NOX3: variants seen among roughly 807,000 people sequenced by gnomAD.
NOX3 encodes NADPH oxidase 3, also known as NADPH oxidase catalytic subunit-like 3.
Under a neutral mutation model 76.7 loss-of-function variants are expected in NOX3, and 74 were observed. The observed-to-expected ratio is 0.96, with a 90% CI of 0.80 to 1.17. NOX3 has a LOEUF of 1.17. NOX3 is among the 50% of genes most tolerant of loss of function. NOX3 has a pLI of 0.00. For synonymous variants in NOX3, 263 were observed against 261.1 expected (o/e 1.01, Z -0.07); for missense variants, 695 against 703.3 (o/e 0.99, Z 0.13).
chr6:155,399,980 C>T (rs1035789661), intron 12 of NOX3, among the ~76,000 whole-genome samples: 3 of 152,196 alleles, frequency 2.0e-5, no homozygotes, highest in African/African-American at 4.8e-5. Context: ...GTCTGGGCTG[C>T]TGACTTTGAT....
At chr6:155,399,135 T>G (rs1779178297) in intron 12 of NOX3, among the ~76,000 whole-genome samples, 1 of 152,204 alleles carries the variant, frequency 6.6e-6, no homozygotes, top group African/African-American at 2.4e-5. Flanking sequence ...GAGTCACAGC[T>G]TTGCTTTGTG....
chr6:155,431,115 A>G (rs958267726), intron 7 of NOX3, among the ~76,000 whole-genome samples, 180 bp from the exon 8 acceptor site: 6 of 152,196 alleles, frequency 3.9e-5, no homozygotes, highest in Non-Finnish European at 7.4e-5. Context: ...TCAATTATTT[A>G]TTGAAGTCTA....
At chr6:155,451,109 G>A (rs930346517) in intron 4 of NOX3, among the ~76,000 whole-genome samples, 4 of 152,018 alleles carry the variant, frequency 2.6e-5, no homozygotes, top group Non-Finnish European at 4.4e-5. Flanking sequence ...CTCCCAAGTA[G>A]TTGGGATTAC....
chr6:155,452,548 A>G (rs1363548641), intron 4 of NOX3, among the ~76,000 whole-genome samples: 1 of 152,070 alleles, frequency 6.6e-6, no homozygotes. Flanking sequence ...CTGCACCCCC[A>G]AAGTTGTGTT....
Position 155,409,792 on chromosome 6 carries a change from A to G in NOX3, c.1455+1422T>C, listed in dbSNP as rs768238491. On this transcript the variant is annotated intron_variant, in intron 11 of 13. Transcript: ENST00000159060. Reference sequence around the variant, plus strand: ...GTCATGGCAAAAATGTAAGACATCTATTTTAATCTACTTGTGTTTAGAAAA... The same window carrying G: ...GTCATGGCAAAAATGTAAGACATCTGTTTTAATCTACTTGTGTTTAGAAAA... Among the ~76,000 whole-genome samples the G allele has an allele frequency of 7.3e-4, 111 of 152,304 alleles. 1 individual carries two copies. The Middle Eastern group carries it at 0.014, about 19-fold the overall frequency.
chr6:155,402,338 T>G (rs1000653068), intron 12 of NOX3, among the ~76,000 whole-genome samples: 5 of 152,222 alleles, frequency 3.3e-5, no homozygotes, highest in African/African-American at 1.2e-4. Context: ...TTCACATGCA[T>G]GTGAATTTGA....
intron 12 of NOX3, among the ~76,000 whole-genome samples, chr6:155,399,776 C>G (rs951621224): frequency 6.6e-6 from 1 of 151,918 alleles, no homozygotes; most frequent in South Asian, 2.1e-4. Flanking sequence ...GCAACAGAAC[C>G]CTAATGGGGT....
rs763260851 is a variant in NOX3 at position 155,411,367 on chromosome 6, A to G, written c.1309-7T>C. The G allele has an allele frequency of 6.2e-7, 1 of 1,611,798 alleles. No homozygotes were observed. Among genetic ancestry groups the G allele is most frequent in the Non-Finnish European group, 8.5e-7 (1 of 1,178,930 alleles). ...AAATCCAGTAGAAATACACCTGTCA[A>G]GAGAGAAGGCAAGTGAACGGATCTA... On this transcript the variant is annotated splice_region_variant and splice_polypyrimidine_tract_variant and intron_variant, in intron 10 of 13. Coordinates refer to ENST00000159060, the MANE Select transcript of NOX3 (RefSeq NM_015718.3).
intron 10 of NOX3, among the ~76,000 whole-genome samples, chr6:155,418,481 C>A (rs1225944698): frequency 6.6e-6 from 1 of 152,184 alleles, no homozygotes; most frequent in East Asian, 1.9e-4. Flanking sequence ...TCATGTATTA[C>A]AACTTTTTTC....
intron 7 of NOX3, 93 bp from the exon 8 acceptor site, chr6:155,431,028 G>A: frequency 1.3e-6 from 1 of 756,882 alleles, no homozygotes; most frequent in Non-Finnish European, 2.2e-6. Flanking sequence ...AACATGATGG[G>A]GATTAGATAT....
intron 12 of NOX3, among the ~76,000 whole-genome samples, chr6:155,400,954 A>C (rs1779217334): frequency 6.6e-6 from 1 of 152,156 alleles, no homozygotes. Context: ...TGAGAAGCTT[A>C]TGGTCAAATG....
chr6:155,399,289 C>G (rs139841608), intron 12 of NOX3, among the ~76,000 whole-genome samples: 667 of 152,300 alleles, frequency 4.4e-3, no homozygotes, highest in Non-Finnish European at 7.4e-3. Context: ...TTTGCAGCAA[C>G]AGTAACTGCA....
At chr6:155,416,961 G>A (rs1468435058) in intron 10 of NOX3, among the ~76,000 whole-genome samples, 2 of 151,912 alleles carry the variant, frequency 1.3e-5, no homozygotes, top group Non-Finnish European at 2.9e-5. Flanking sequence ...ATGTTGGTCA[G>A]GCTGGTCTCC....
chr6:155,445,160 C>T (rs1467521638), intron 4 of NOX3, among the ~76,000 whole-genome samples: 1 of 152,182 alleles, frequency 6.6e-6, no homozygotes, highest in Non-Finnish European at 1.5e-5. Context: ...AATGAAACTC[C>T]CGCTGGGTGG....
intron 4 of NOX3, among the ~76,000 whole-genome samples, chr6:155,452,008 A>C (rs928614323): frequency 1.3e-5 from 2 of 151,992 alleles, no homozygotes; most frequent in African/African-American, 2.4e-5. Context: ...CTTAGAGTTC[A>C]AGTCTGTCTT....
chr6:155,409,649 A>G (rs893737092), intron 11 of NOX3, among the ~76,000 whole-genome samples: 31 of 152,218 alleles, frequency 2.0e-4, no homozygotes, highest in African/African-American at 7.5e-4. Context: ...ACAATTGGGT[A>G]TTTCTAAAAC....
chr6:155,422,784 G>A lies in NOX3; in HGVS notation c.1218C>T (p.Ala406=), dbSNP rs1442608716. 1.9e-5 allele frequency: 30 copies of A among 1,614,054 alleles called. No individual in the cohort carries two copies. The highest frequency in any genetic ancestry group is 2.2e-5 in the East Asian group (1 of 44,888). The change falls in exon 10 of 14, where the codon GCC becomes GCT. Residue 406 remains alanine (A), a synonymous_variant. Transcript: ENST00000159060. ...CGAAGGGAGTGACTCCGATCCCCGC[G>A]GCAACGCACACACACACTGGGTAGT... The part of the protein sequence containing the change: ...VFHYPVCVCV[A]AGIGVTPFAA...
chr6:155,448,841 T>C lies in NOX3; in HGVS notation c.340+4563A>G, dbSNP rs765774343. ...AACAGTCATTTTGGAGTTAGTCACC[T>C]CCTAATTAAGCAGCCTTCAGAAACA... On this transcript the variant is annotated intron_variant, in intron 4 of 13. Coordinates refer to ENST00000159060, the MANE Select transcript of NOX3 (RefSeq NM_015718.3). 1.2e-4 allele frequency among the ~76,000 whole-genome samples: 19 copies of C among 152,224 alleles called. No homozygotes were observed. In the South Asian group the frequency reaches 1.2e-3, roughly 10 times the overall value.
intron 10 of NOX3, among the ~76,000 whole-genome samples, chr6:155,422,190 C>T (rs913681811): frequency 1.3e-5 from 2 of 152,114 alleles, no homozygotes; most frequent in Non-Finnish European, 2.9e-5. Context: ...ATTCTAGAGG[C>T]ATCTAGTTGT....
Sources: gnomAD v4.1 joint callset for allele counts (sites outside exome capture counted in the v4.1 genomes callset) on GRCh38, gnomAD v4.1.1 for gene constraint, MANE v1.5 for transcripts, NCBI Gene and HGNC (gene_info 2026-07-23, HGNC 2026-07-21) for gene names.